SNX29: variants seen among roughly 807,000 people sequenced by gnomAD.
The protein encoded by SNX29 is sorting nexin-29.
SNX29 carries 78 observed loss-of-function variants against 102.1 expected under a neutral mutation model. That is an observed-to-expected ratio of 0.76 (90% CI 0.64 to 0.92). The LOEUF is 0.92. Among genes scored for constraint, SNX29 ranks in the 40% least tolerant of loss-of-function variants. The pLI is 0.00. For missense variants in SNX29, 1,280 were observed against 1,061.7 expected, an observed-to-expected ratio of 1.21 and a Z score of -2.86; for synonymous variants, 580 against 414.5, an observed-to-expected ratio of 1.40 and a Z score of -4.85.
At chr16:12,334,408 C>T (rs1225585128) in intron 15 of SNX29, among the ~76,000 whole-genome samples, 4 of 152,114 alleles carry the variant, frequency 2.6e-5, no homozygotes, top group African/African-American at 9.7e-5. Context: ...AAAATCATCC[C>T]CGGGTGCATT....
At chr16:12,495,860 C>G (rs1026390073) in intron 19 of SNX29, among the ~76,000 whole-genome samples, 1 of 152,102 alleles carries the variant, frequency 6.6e-6, no homozygotes, top group African/African-American at 2.4e-5. Flanking sequence ...TTGAACTGGC[C>G]TGGCAAACAT....
intron 13 of SNX29, among the ~76,000 whole-genome samples, chr16:12,146,024 C>G (rs4781186): frequency 0.04 from 6,094 of 152,306 alleles, 172 homozygotes; most frequent in Middle Eastern, 0.061. Context: ...AGAAAGCGGC[C>G]TCTCTTTTAC....
At chr16:12,235,807 G>GTGTA (rs952742126) in intron 14 of SNX29, among the ~76,000 whole-genome samples, 66 of 151,712 alleles carry the variant, frequency 4.4e-4, no homozygotes, top group Admixed American at 3.1e-3. Context: ...GTGTGTGTGT[G>GTGTA]TGTATGTGTA....
chr16:12,339,004 GCTGTCCTAGGA>G (rs1261832809), intron 15 of SNX29, among the ~76,000 whole-genome samples: 1 of 147,630 alleles, frequency 6.8e-6, no homozygotes, highest in African/African-American at 2.4e-5. Flanking sequence ...GCCGTCATGG[GCTGTCCTAGGA>G]CTACACACAG....
At chr16:12,108,634 G>A (rs1229325973) in intron 11 of SNX29, among the ~76,000 whole-genome samples, 1 of 152,130 alleles carries the variant, frequency 6.6e-6, no homozygotes, top group African/African-American at 2.4e-5. Flanking sequence ...TGAGTTGAGT[G>A]ATCATGTCCC....
chr16:12,026,367 G>A (rs1450481296), intron 3 of SNX29, among the ~76,000 whole-genome samples: 2 of 152,220 alleles, frequency 1.3e-5, no homozygotes, highest in Non-Finnish European at 2.9e-5. Context: ...ACATGAGTGA[G>A]GCAGAAACCG....
chr16:12,460,061 T>C (rs776433640), intron 18 of SNX29, among the ~76,000 whole-genome samples: 4 of 152,188 alleles, frequency 2.6e-5, no homozygotes, highest in Non-Finnish European at 5.9e-5. Context: ...AAAGCATAGT[T>C]AGCTGTGGCA....
At chr16:12,487,362 C>A (rs1376373005) in intron 19 of SNX29, among the ~76,000 whole-genome samples, 1 of 152,196 alleles carries the variant, frequency 6.6e-6, no homozygotes, top group African/African-American at 2.4e-5. Context: ...CACCAGCCAC[C>A]ATATGCCGGC....
At position 12,286,341 on chromosome 16, in the gene SNX29, A is replaced by G. The variant is rs562266087; in HGVS notation, c.1782+8305A>G. Among the ~76,000 whole-genome samples the G allele has an allele frequency of 5.4e-5, 8 of 149,424 alleles. No homozygotes were observed. The South Asian group carries it at 1.7e-3, about 32-fold the overall frequency. ...AATGACTAACAGGGCTAAACCTCCA[A>G]GGATTTTTTTTTTTTTTTTTTTGAG... is the stretch of plus-strand genomic sequence containing the variant. On this transcript the variant is annotated intron_variant, in intron 15 of 20. Transcript: ENST00000566228.
chr16:12,458,537 G>A (rs1455764233), intron 18 of SNX29, among the ~76,000 whole-genome samples: 1 of 152,160 alleles, frequency 6.6e-6, no homozygotes, highest in African/African-American at 2.4e-5. Flanking sequence ...TTGTTAGACA[G>A]CTATCACTGG....
At chr16:12,380,220 C>G (rs1459202301) in intron 16 of SNX29, among the ~76,000 whole-genome samples, 1 of 139,752 alleles carries the variant, frequency 7.2e-6, no homozygotes, top group Non-Finnish European at 1.5e-5. Context: ...GTAACTGGAT[C>G]AGGAGGGTAC....
intron 18 of SNX29, among the ~76,000 whole-genome samples, chr16:12,440,305 C>G (rs1258921105): frequency 6.6e-6 from 1 of 152,164 alleles, no homozygotes; most frequent in Admixed American, 6.5e-5. Context: ...CACAAGATTA[C>G]GCAACCATCA....
At chr16:12,475,909 G>A (rs767270244) in intron 18 of SNX29, among the ~76,000 whole-genome samples, 1 of 152,186 alleles carries the variant, frequency 6.6e-6, no homozygotes, top group Admixed American at 6.5e-5. Flanking sequence ...TGCCCACCCC[G>A]ATCTAGATAA....
At position 12,305,861 on chromosome 16, in the gene SNX29, G is replaced by A. The variant is rs111977358; in HGVS notation, c.1782+27825G>A. 5.6e-3 allele frequency among the ~76,000 whole-genome samples: 848 copies of A among 152,276 alleles called. 7 individuals carry two copies. Among genetic ancestry groups the A allele is most frequent in the African/African-American group, 0.02 (814 of 41,546 alleles). Reference sequence around the variant, plus strand: ...TTTCTGTACATCAGGGTGGAGTACCGACGAGCTGTAACCTGTTCGGATTTA... The same window carrying A: ...TTTCTGTACATCAGGGTGGAGTACCAACGAGCTGTAACCTGTTCGGATTTA... On this transcript the variant is annotated intron_variant, in intron 15 of 20. Coordinates refer to ENST00000566228, the MANE Select transcript of SNX29 (RefSeq NM_032167.5).
chr16:12,316,364 G>A (rs1355013903), intron 15 of SNX29, among the ~76,000 whole-genome samples: 1 of 152,166 alleles, frequency 6.6e-6, no homozygotes, highest in Non-Finnish European at 1.5e-5. Flanking sequence ...CCAACATGGG[G>A]AAACCCCGTC....
chr16:12,245,680 A>G (rs1361536867), intron 14 of SNX29, among the ~76,000 whole-genome samples: 3 of 152,132 alleles, frequency 2.0e-5, no homozygotes, highest in African/African-American at 4.8e-5. Flanking sequence ...AACTAGTCAC[A>G]GGCCTTGGTC....
intron 15 of SNX29, among the ~76,000 whole-genome samples, chr16:12,285,074 T>G (rs779512910): frequency 6.6e-6 from 1 of 152,238 alleles, no homozygotes; most frequent in Non-Finnish European, 1.5e-5. Context: ...TCTGCCTGTT[T>G]ATAGTGAATT....
rs1166495433 is a variant in SNX29 at position 12,248,080 on chromosome 16, G to A, written c.1679-29853G>A. 4.6e-5 allele frequency among the ~76,000 whole-genome samples: 7 copies of A among 152,258 alleles called. No homozygotes were observed. The East Asian group carries it at 1.4e-3, about 29-fold the overall frequency. On this transcript the variant is annotated intron_variant, in intron 14 of 20. Coordinates refer to ENST00000566228, the MANE Select transcript of SNX29 (RefSeq NM_032167.5). ...CCCTCCCTGCTTTCATTCTGGTGAT[G>A]CCCCTCTCCTGTGAGGCTTCTCTGT...
intron 16 of SNX29, among the ~76,000 whole-genome samples, chr16:12,370,329 G>A (rs1284552769): frequency 1.3e-5 from 2 of 152,052 alleles, no homozygotes; most frequent in Non-Finnish European, 2.9e-5. Context: ...GGAGGCCAAG[G>A]CGAGCGGATC....
Sources: allele counts gnomAD v4.1 joint callset (sites outside exome capture counted in the v4.1 genomes callset), GRCh38; gene constraint gnomAD v4.1.1; transcripts MANE v1.5; gene names NCBI Gene and HGNC (gene_info 2026-07-23, HGNC 2026-07-21).